UNC5C: variants seen among roughly 807,000 people sequenced by gnomAD.
The protein encoded by UNC5C is unc-5 netrin receptor C.
UNC5C carries 47 observed loss-of-function variants against 99.8 expected under a neutral mutation model. The observed-to-expected ratio is 0.47, with a 90% CI of 0.37 to 0.60. The LOEUF (loss-of-function observed/expected upper bound fraction) is 0.60. Among genes scored for constraint, UNC5C ranks in the 20% least tolerant of loss-of-function variants. The probability of loss-of-function intolerance (pLI) is 0.00; values close to 1 mark genes in which losing one functional copy is unlikely to be tolerated. For synonymous variants in UNC5C, 487 were observed against 452.2 expected (o/e 1.08, Z -0.98); for missense variants, 1,062 against 1,165.9 (o/e 0.91, Z 1.30).
chr4:95,440,002 T>C (rs3912477), intron 1 of UNC5C, among the ~76,000 whole-genome samples: 20,562 of 152,224 alleles, frequency 0.14, 1,876 homozygotes, highest in Non-Finnish European at 0.2. Flanking sequence ...TTTTCCCTTA[T>C]GCACTAGGAG....
At chr4:95,401,004 T>G (rs1337648123) in intron 1 of UNC5C, among the ~76,000 whole-genome samples, 1 of 152,240 alleles carries the variant, frequency 6.6e-6, no homozygotes, top group Non-Finnish European at 1.5e-5. Flanking sequence ...ATATTCTCAT[T>G]TTCTTTTATT....
intron 9 of UNC5C, among the ~76,000 whole-genome samples, chr4:95,218,403 C>T (rs1013700162): frequency 1.3e-5 from 2 of 152,094 alleles, no homozygotes; most frequent in Non-Finnish European, 2.9e-5. Context: ...AAAAGCACAC[C>T]TGATGAATCT....
chr4:95,451,943 T>C (rs1482726854), intron 1 of UNC5C, among the ~76,000 whole-genome samples: 3 of 152,110 alleles, frequency 2.0e-5, no homozygotes, highest in African/African-American at 4.8e-5. Flanking sequence ...TCTTGAAACA[T>C]GGTCGTGTCT....
At chr4:95,468,112 A>G (rs1039263425) in intron 1 of UNC5C, among the ~76,000 whole-genome samples, 2 of 143,336 alleles carry the variant, frequency 1.4e-5, no homozygotes, top group East Asian at 4.2e-4. Flanking sequence ...AATACATCAT[A>G]ATATCTGTTT....
At chr4:95,350,321 T>C in intron 1 of UNC5C, among the ~76,000 whole-genome samples, 1 of 151,996 alleles carries the variant, frequency 6.6e-6, no homozygotes, top group Non-Finnish European at 1.5e-5. Flanking sequence ...ACCCCATCTC[T>C]ACTAAAAATA....
At chr4:95,274,264 G>A (rs1740771172) in intron 4 of UNC5C, among the ~76,000 whole-genome samples, 1 of 152,082 alleles carries the variant, frequency 6.6e-6, no homozygotes, top group African/African-American at 2.4e-5. Context: ...CTAAATTACT[G>A]AGTGTCCCTC....
chr4:95,274,951 G>A (rs935038998), intron 4 of UNC5C, among the ~76,000 whole-genome samples: 1 of 152,002 alleles, frequency 6.6e-6, no homozygotes, highest in Non-Finnish European at 1.5e-5. Flanking sequence ...GCTTGAACCC[G>A]GGAGGTGGAG....
chr4:95,294,423 G>T (rs1741599467), intron 3 of UNC5C, among the ~76,000 whole-genome samples: 1 of 152,116 alleles, frequency 6.6e-6, no homozygotes, highest in Admixed American at 6.5e-5. Flanking sequence ...CCTCTTTGTG[G>T]CCAGCAGGCT....
chr4:95,313,894 G>A (rs1001716800), intron 2 of UNC5C, among the ~76,000 whole-genome samples: 6 of 152,140 alleles, frequency 3.9e-5, no homozygotes, highest in Non-Finnish European at 1.5e-5. Flanking sequence ...TGCTCTGTAC[G>A]TATTGGCTGA....
At chr4:95,181,472 C>A (rs1245778598) in intron 14 of UNC5C, among the ~76,000 whole-genome samples, 3 of 152,004 alleles carry the variant, frequency 2.0e-5, no homozygotes, top group Admixed American at 6.6e-5. Flanking sequence ...AGGACCAGAC[C>A]CCCTCACCCC....
chr4:95,184,428 G>T (rs1736749359), intron 13 of UNC5C, among the ~76,000 whole-genome samples: 1 of 152,170 alleles, frequency 6.6e-6, no homozygotes, highest in Non-Finnish European at 1.5e-5. Flanking sequence ...TCCTAGGATG[G>T]CATATGAGGC....
chr4:95,209,039 T>C (rs1560733672), intron 10 of UNC5C, among the ~76,000 whole-genome samples: 1 of 152,230 alleles, frequency 6.6e-6, no homozygotes. Flanking sequence ...AGACAATGTC[T>C]ACTTCTGGAG....
chr4:95,368,000 C>T (rs891443254), intron 1 of UNC5C, among the ~76,000 whole-genome samples: 1 of 152,124 alleles, frequency 6.6e-6, no homozygotes, highest in African/African-American at 2.4e-5. Flanking sequence ...TGAATAGATG[C>T]TTTCACAGAT....
At chr4:95,250,354 C>T in intron 5 of UNC5C, 133 bp downstream of exon 5, 1 of 958,624 alleles carries the variant, frequency 1.0e-6, no homozygotes, top group Non-Finnish European at 1.5e-6. Context: ...CATTGCACGC[C>T]AGCCTGGGTG....
chr4:95,377,214 T>C (rs1744921605), intron 1 of UNC5C, among the ~76,000 whole-genome samples: 1 of 152,182 alleles, frequency 6.6e-6, no homozygotes. Flanking sequence ...ACTTTTCAAT[T>C]TTCTGCTTTG....
chr4:95,234,922 C>G (rs1168536158), intron 7 of UNC5C, among the ~76,000 whole-genome samples: 1 of 152,028 alleles, frequency 6.6e-6, no homozygotes, highest in East Asian at 1.9e-4. Flanking sequence ...ATAATGAATC[C>G]AAGTTATCAC....
chr4:95,274,530 A>C (rs553657992), intron 4 of UNC5C, among the ~76,000 whole-genome samples: 34 of 152,180 alleles, frequency 2.2e-4, no homozygotes, highest in African/African-American at 8.2e-4. Flanking sequence ...TTCTTATTGG[A>C]AAGGGCTTAA....
chr4:95,482,418 A>C (rs879841203), intron 1 of UNC5C, among the ~76,000 whole-genome samples: 6,039 of 151,410 alleles, frequency 0.04, 218 homozygotes, highest in African/African-American at 0.1. Flanking sequence ...GTGGGACTGT[A>C]AACTAGTTCA....
At chr4:95,245,347 T>G (rs62319069) in intron 5 of UNC5C, among the ~76,000 whole-genome samples, 3 of 152,182 alleles carry the variant, frequency 2.0e-5, no homozygotes, top group African/African-American at 7.2e-5. Flanking sequence ...AAAAAAAGTT[T>G]GTCAAGATTT....
Sources: gnomAD v4.1 joint callset for allele counts (sites outside exome capture counted in the v4.1 genomes callset) on GRCh38, gnomAD v4.1.1 for gene constraint, MANE v1.5 for transcripts, NCBI Gene and HGNC (gene_info 2026-07-23, HGNC 2026-07-21) for gene names.